ADAT2: variants seen among roughly 807,000 people sequenced by gnomAD.
ADAT2 encodes tRNA-specific adenosine-34 deaminase catalytic subunit ADAT2.
A neutral mutation model predicts 25.9 loss-of-function variants in ADAT2; 26 were observed. That is an observed-to-expected ratio of 1.00 (90% confidence interval 0.74 to 1.39). The LOEUF is 1.39. ADAT2 is among the 40% of genes most tolerant of loss of function. ADAT2 has a pLI of 0.00. For synonymous variants in ADAT2, 76 were observed against 86.8 expected (o/e 0.88, Z 0.69); for missense variants, 220 against 244.8 (o/e 0.90, Z 0.68).
intron 1 of ADAT2, among the ~76,000 whole-genome samples, chr6:143,445,382 T>C (rs938762616): frequency 3.3e-5 from 5 of 152,142 alleles, no homozygotes; most frequent in African/African-American, 1.2e-4. Context: ...TCAGCGTTCA[T>C]AGATCCCCCT....
chr6:143,449,367 T>G (rs749121403), intron 1 of ADAT2, among the ~76,000 whole-genome samples: 1 of 152,222 alleles, frequency 6.6e-6, no homozygotes, highest in Non-Finnish European at 1.5e-5. Flanking sequence ...ACTTTGTATC[T>G]TTTTAAACAT....
At chr6:143,439,673 CATGGAGGAGG>C (rs1277896544) in intron 1 of ADAT2, among the ~76,000 whole-genome samples, 1 of 152,096 alleles carries the variant, frequency 6.6e-6, no homozygotes, top group Non-Finnish European at 1.5e-5. Context: ...GTGGTTGCTT[CATGGAGGAGG>C]ATGTGCAGAT....
intron 2 of ADAT2, among the ~76,000 whole-genome samples, 161 bp downstream of exon 2, chr6:143,438,429 G>A (rs755568783): frequency 2.0e-5 from 3 of 152,030 alleles, no homozygotes; most frequent in Non-Finnish European, 2.9e-5. Flanking sequence ...TCAAAATCAG[G>A]AAGAAAATGA....
rs1203737425 is a variant in ADAT2 at position 143,432,902 on chromosome 6, C to A, written c.353-291G>T. On this transcript the variant is annotated intron_variant, in intron 3 of 5. Transcript: ENST00000237283. This position sits in a 1 kb window ranked among gnomAD's most constrained non-coding sequence, Gnocchi z 4.4. ...TCTGCTCTTTCCTAAATCACTTTTT[C>A]AGAATCATTAGGGAGTCAGAACCAG... Among the ~76,000 whole-genome samples, 3 of 152,150 alleles carry A rather than the reference C, an allele frequency of 2.0e-5. No individual in the cohort carries two copies. Among genetic ancestry groups the A allele is most frequent in the Non-Finnish European group, 4.4e-5 (3 of 68,018 alleles).
intron 1 of ADAT2, among the ~76,000 whole-genome samples, chr6:143,443,185 G>A (rs1389963158): frequency 6.6e-6 from 1 of 151,798 alleles, no homozygotes; most frequent in Non-Finnish European, 1.5e-5. Context: ...TCTCACTAGC[G>A]CATGTGAGAG....
intron 3 of ADAT2, 144 bp downstream of exon 3, chr6:143,433,686 TC>T: frequency 2.7e-6 from 2 of 749,484 alleles, no homozygotes; most frequent in Admixed American, 3.6e-5. Flanking sequence ...AAAAAGCTTT[TC>T]TTTTTTTTGG....
In ADAT2 at chr6:143,437,293, A is replaced by G. The variant is rs888919841; in HGVS notation, c.201+1297T>C. On this transcript the variant is annotated intron_variant, in intron 2 of 5. Transcript: ENST00000237283. This position sits in a 1 kb window ranked among gnomAD's most constrained non-coding sequence, Gnocchi z 4.1. The stretch of plus-strand genomic sequence containing the variant: ...TCCCATTCCCTAAAACTGTTCAAAC[A>G]TTAGATATCAGTATTTTTAATCACT... 3.9e-5 allele frequency among the ~76,000 whole-genome samples: 6 copies of G among 152,236 alleles called. No individual in the cohort carries two copies. The highest frequency in any genetic ancestry group is 7.2e-5 in the African/African-American group (3 of 41,470).
chr6:143,438,745 A>G (rs565658182), intron 1 of ADAT2, 51 bp from the exon 2 acceptor site: 60 of 1,439,596 alleles, frequency 4.2e-5, no homozygotes, highest in Non-Finnish European at 5.7e-5. Context: ...ACTTGAAGAG[A>G]GTATAGGAGA....
rs1263220829 is a variant in ADAT2, at chr6:143,425,587, G to A, written c.*2876C>T. 1.3e-5 allele frequency: 2 copies of A among 151,958 alleles called. No individual in the cohort carries two copies. Among genetic ancestry groups the A allele is most frequent in the African/African-American group, 4.8e-5 (2 of 41,358 alleles). 9.4% of individuals were successfully genotyped at this position (151,958 alleles called of 1,614,324 possible). A position where few individuals can be genotyped will look rare whatever the true frequency, so the allele number is the denominator to read the frequency against. On this transcript the variant is annotated 3_prime_UTR_variant, in exon 6 of 6. Coordinates refer to ENST00000237283, the MANE Select transcript of ADAT2 (RefSeq NM_182503.3). Reference sequence around the variant, plus strand: ...AGACTGGACCTGGGATTATAGGGTAGTGGGAGAACTTCTTTACAGGACATT... The same window carrying A: ...AGACTGGACCTGGGATTATAGGGTAATGGGAGAACTTCTTTACAGGACATT...
intron 1 of ADAT2, 29 bp from the exon 2 acceptor site, chr6:143,438,723 G>T: frequency 6.5e-7 from 1 of 1,542,394 alleles, no homozygotes; most frequent in Non-Finnish European, 9.0e-7. Flanking sequence ...AATGTAAGAC[G>T]TAATACTCCA....
In ADAT2 at chr6:143,442,439, T is replaced by C. The variant is rs952383788; in HGVS notation, c.97-3745A>G. ...AGTGAAACAGTTCCAGTGGTGGTTA[T>C]ACAAAGCTAAACATGACAAAATTGC... On this transcript the variant is annotated intron_variant, in intron 1 of 5. Coordinates refer to ENST00000237283, the MANE Select transcript of ADAT2 (RefSeq NM_182503.3). This position sits in a 1 kb window ranked among gnomAD's most constrained non-coding sequence, Gnocchi z 4.6. Among the ~76,000 whole-genome samples the C allele has an allele frequency of 1.3e-5, 2 of 150,962 alleles. No homozygotes were observed. Among genetic ancestry groups the C allele is most frequent in the African/African-American group, 2.4e-5 (1 of 40,978 alleles).
chr6:143,443,150 AT>A (rs11440192), intron 1 of ADAT2, among the ~76,000 whole-genome samples: 3 of 151,370 alleles, frequency 2.0e-5, no homozygotes, highest in South Asian at 4.2e-4. Flanking sequence ...GCACAGGGAG[AT>A]TTTTTTTTAT....
intron 1 of ADAT2, among the ~76,000 whole-genome samples, chr6:143,445,407 G>C (rs1779574154): frequency 6.6e-6 from 1 of 152,072 alleles, no homozygotes; most frequent in Non-Finnish European, 1.5e-5. Flanking sequence ...CTGAGCCTGA[G>C]GTCAGGGAGC....
chr6:143,432,097 A>G lies in ADAT2; in HGVS notation c.459+408T>C, dbSNP rs1171600042. Among the ~76,000 whole-genome samples, 1 of 152,224 alleles carries G rather than the reference A, an allele frequency of 6.6e-6. No homozygotes were observed. Among genetic ancestry groups the G allele is most frequent in the Non-Finnish European group, 1.5e-5 (1 of 68,046 alleles). ...GCAAAATGATTAAATTTGTACAAAA[A>G]TATTGTGTGTGCTGTAAATAGTCTC... On this transcript the variant is annotated intron_variant, in intron 4 of 5. Coordinates refer to ENST00000237283, the MANE Select transcript of ADAT2 (RefSeq NM_182503.3). The surrounding 1 kb of genome is among the most constrained non-coding windows in gnomAD (Gnocchi z 4.4).
chr6:143,431,330 G>T (rs1779110613), intron 4 of ADAT2, among the ~76,000 whole-genome samples: 1 of 152,174 alleles, frequency 6.6e-6, no homozygotes, highest in Non-Finnish European at 1.5e-5. Flanking sequence ...TTCCACCCAT[G>T]TATGACATCA....
At position 143,433,872 on chromosome 6, in the gene ADAT2, A is replaced by G. The variant is rs1308827458; in HGVS notation, c.311T>C (p.Val104Ala). 1 of 1,614,054 alleles carries G rather than the reference A, an allele frequency of 6.2e-7. No homozygotes were observed. Among genetic ancestry groups the G allele is most frequent in the Non-Finnish European group, 8.5e-7 (1 of 1,180,010 alleles). ...AGCTGCACACATAATGCACGGCTCC[A>G]CAGTGACATACAACACAGTGTGTTC... is the stretch of plus-strand genomic sequence containing the variant. ...VFEHTVLYVT[V>A]EPCIMCAAAL... Residue 104 changes from valine to alanine, a missense_variant, in exon 3 of 6, where the codon GTG becomes GCG. Physicochemically the swap from Val to Ala is moderately conservative, Grantham distance 64. Coordinates refer to ENST00000237283, the MANE Select transcript of ADAT2 (RefSeq NM_182503.3).
Position 143,425,351 on chromosome 6 carries a change from CAA to C in ADAT2, c.*3110_*3111del, listed in dbSNP as rs775768101. The C allele has an allele frequency of 0.3, 27,761 of 92,254 alleles. 1,532 individuals carry two copies. The highest frequency in any genetic ancestry group is 0.35 in the Admixed American group (3,037 of 8,700). The allele number at this position is 92,254 out of a possible 1,614,324, so 5.7% of individuals were successfully genotyped here. On this transcript the variant is annotated 3_prime_UTR_variant, in exon 6 of 6. Coordinates refer to ENST00000237283, the MANE Select transcript of ADAT2 (RefSeq NM_182503.3). ...GCAACATAGTGAGACCTTGTCTCTA[CAA>C]AAAAAAAAAAAAAAAAAAATTAGGT... is the stretch of plus-strand genomic sequence containing the variant.
chr6:143,446,024 T>C lies in ADAT2; in HGVS notation c.96+4539A>G, dbSNP rs1359218835. Among the ~76,000 whole-genome samples the C allele has an allele frequency of 6.7e-6, 1 of 149,258 alleles. No individual in the cohort carries two copies. The highest frequency in any genetic ancestry group is 1.5e-5 in the Non-Finnish European group (1 of 67,396). On this transcript the variant is annotated intron_variant, in intron 1 of 5. Coordinates refer to ENST00000237283, the MANE Select transcript of ADAT2 (RefSeq NM_182503.3). This position sits in a 1 kb window ranked among gnomAD's most constrained non-coding sequence, Gnocchi z 5.0. ...TCTTTCTTTTTTCCTAATTATAAAGTAAGATGTGTTCAAGGTGGAGAACTT... is the reference window on the plus strand; with the variant it reads ...TCTTTCTTTTTTCCTAATTATAAAGCAAGATGTGTTCAAGGTGGAGAACTT...
At position 143,437,066 on chromosome 6, in the gene ADAT2, T is replaced by TA. The variant is rs139811234; in HGVS notation, c.201+1523dup. Reference sequence around the variant, plus strand: ...CTACTATTTTTCATAAGCAAATTGATAAAAAAGTTTTTTTGGGGGGCTGAC... The same window carrying TA: ...CTACTATTTTTCATAAGCAAATTGATAAAAAAAGTTTTTTTGGGGGGCTGAC... On this transcript the variant is annotated intron_variant, in intron 2 of 5. Transcript: ENST00000237283. This position sits in a 1 kb window ranked among gnomAD's most constrained non-coding sequence, Gnocchi z 4.1. Among the ~76,000 whole-genome samples the TA allele has an allele frequency of 0.23, 35,095 of 152,004 alleles. 4,634 individuals are homozygous for TA. Among genetic ancestry groups the TA allele is most frequent in the Middle Eastern group, 0.3 (89 of 294 alleles).
Sources: allele counts gnomAD v4.1 joint callset (sites outside exome capture counted in the v4.1 genomes callset), GRCh38; gene constraint gnomAD v4.1.1; non-coding constraint Gnocchi (gnomAD v3.1); transcripts MANE v1.5; gene names NCBI Gene and HGNC (gene_info 2026-07-23, HGNC 2026-07-21).